GALNT13: variants seen among roughly 807,000 people sequenced by gnomAD.
The protein encoded by GALNT13 is polypeptide N-acetylgalactosaminyltransferase 13.
In GALNT13, 28 loss-of-function variants were observed where a neutral mutation model predicts 64.2. The ratio of observed to expected loss-of-function variants is 0.44; its 90% confidence interval spans 0.32 to 0.60. The LOEUF is 0.60. GALNT13 is among the 20% of genes least tolerant of loss of function. The pLI is 0.05. For missense variants in GALNT13, 577 were observed against 669.8 expected (o/e 0.86, Z 1.53); for synonymous variants, 214 against 224.6 (o/e 0.95, Z 0.42).
chr2:154,250,869 C>T (rs1690032844), intron 7 of GALNT13, among the ~76,000 whole-genome samples: 1 of 151,896 alleles, frequency 6.6e-6, no homozygotes, highest in Non-Finnish European at 1.5e-5. Context: ...GATATGAAAA[C>T]AACAGCACAG....
At chr2:153,894,765 G>A (rs554966534) in intron 1 of GALNT13, among the ~76,000 whole-genome samples, 5 of 152,144 alleles carry the variant, frequency 3.3e-5, no homozygotes, top group Non-Finnish European at 7.4e-5. Flanking sequence ...CAGAGTTAAT[G>A]TAATTTTCTT....
At chr2:153,733,233 A>G in the GALNT13 span, among the ~76,000 whole-genome samples, 1 of 152,176 alleles carries the variant, frequency 6.6e-6, no homozygotes, top group African/African-American at 2.4e-5. Context: ...ACCAAACAAA[A>G]CATTAGCACA....
the GALNT13 span, among the ~76,000 whole-genome samples, chr2:153,679,514 T>C: frequency 6.6e-6 from 1 of 152,086 alleles, no homozygotes; most frequent in East Asian, 1.9e-4. Flanking sequence ...TTATGCATAG[T>C]ACGTGTGTTT....
chr2:154,414,970 A>T (rs1164112144), intron 11 of GALNT13, among the ~76,000 whole-genome samples: 1 of 151,856 alleles, frequency 6.6e-6, no homozygotes, highest in Non-Finnish European at 1.5e-5. Flanking sequence ...GGAATATGTT[A>T]TATCTACTCA....
At chr2:153,360,686 C>G in the GALNT13 span, among the ~76,000 whole-genome samples, 1 of 152,186 alleles carries the variant, frequency 6.6e-6, no homozygotes, top group Middle Eastern at 3.4e-3. Flanking sequence ...TCCAACAACT[C>G]CAGCCAGGGG....
chr2:153,222,051 C>T, the GALNT13 span, among the ~76,000 whole-genome samples: 1 of 152,064 alleles, frequency 6.6e-6, no homozygotes, highest in Non-Finnish European at 1.5e-5. Context: ...TGTTACAGCT[C>T]TTTCAGTCCA....
the GALNT13 span, chr2:153,354,161 T>A: frequency 6.6e-6 from 1 of 152,322 alleles, no homozygotes; most frequent in East Asian, 1.9e-4. Flanking sequence ...TTCCATTTAA[T>A]CAATTTTTTA....
At chr2:153,803,548 C>T in the GALNT13 span, among the ~76,000 whole-genome samples, 2 of 151,998 alleles carry the variant, frequency 1.3e-5, no homozygotes, top group East Asian at 3.9e-4. Flanking sequence ...AAAAGTTAGC[C>T]GGGCGCTGTG....
At chr2:154,094,619 A>G (rs1390478838) in intron 3 of GALNT13, among the ~76,000 whole-genome samples, 2 of 151,850 alleles carry the variant, frequency 1.3e-5, no homozygotes, top group South Asian at 4.1e-4. Context: ...CTCTTTTTCT[A>G]TTTTTGTCTC....
rs1693286724 is a variant in GALNT13 at position 154,299,411 on chromosome 2, T to A, written c.976-1998T>A. ...CGTAATCACAAGAAGGTTCATATAT[T>A]TCATGAAGCTAGGAAGATGAGGAAG... On this transcript the variant is annotated intron_variant, in intron 8 of 12. Coordinates refer to ENST00000392825, the MANE Select transcript of GALNT13 (RefSeq NM_052917.4). 2.0e-5 allele frequency among the ~76,000 whole-genome samples: 3 copies of A among 151,804 alleles called. No individual in the cohort carries two copies. In the South Asian group the frequency reaches 6.2e-4, roughly 31 times the overall value.
At chr2:153,778,671 C>T in the GALNT13 span, among the ~76,000 whole-genome samples, 1 of 152,080 alleles carries the variant, frequency 6.6e-6, no homozygotes, top group East Asian at 1.9e-4. Flanking sequence ...GACTTTTAGC[C>T]CTATTCTCTC....
the GALNT13 span, among the ~76,000 whole-genome samples, chr2:153,658,618 T>C: frequency 2.0e-5 from 3 of 152,282 alleles, no homozygotes; most frequent in African/African-American, 7.2e-5. Flanking sequence ...TTTCTTATGA[T>C]TAAGTACAAG....
chr2:153,084,826 A>T, the GALNT13 span, among the ~76,000 whole-genome samples: 1 of 152,344 alleles, frequency 6.6e-6, no homozygotes, highest in African/African-American at 2.4e-5. Flanking sequence ...ACACACTAGT[A>T]CAGTAAATTG....
the GALNT13 span, among the ~76,000 whole-genome samples, chr2:153,311,093 G>T: frequency 0.089 from 13,534 of 152,082 alleles, 694 homozygotes; most frequent in Middle Eastern, 0.15. Flanking sequence ...TATTTTCAGG[G>T]AATAAAATTT....
intron 9 of GALNT13, among the ~76,000 whole-genome samples, chr2:154,352,289 G>A (rs904671453): frequency 1.3e-5 from 2 of 152,168 alleles, no homozygotes; most frequent in East Asian, 3.8e-4. Context: ...GCCTCCCATA[G>A]CTCTGCACTA....
intron 3 of GALNT13, among the ~76,000 whole-genome samples, chr2:153,979,402 T>TA (rs1694300257): frequency 6.6e-6 from 1 of 152,134 alleles, no homozygotes; most frequent in South Asian, 2.1e-4. Context: ...TAGAGGCACT[T>TA]ACAACTAAAT....
chr2:153,413,574 G>C, the GALNT13 span, among the ~76,000 whole-genome samples: 1 of 152,172 alleles, frequency 6.6e-6, no homozygotes, highest in Non-Finnish European at 1.5e-5. Context: ...TTTTAGGAAT[G>C]ACTGATGTAG....
the GALNT13 span, among the ~76,000 whole-genome samples, chr2:153,612,633 A>AAAC: frequency 1.2e-4 from 12 of 99,570 alleles, no homozygotes; most frequent in African/African-American, 2.1e-4. Flanking sequence ...ATAAGAAAAC[A>AAAC]AAGAAAAAAA....
At chr2:154,192,257 G>A (rs191188072) in intron 4 of GALNT13, among the ~76,000 whole-genome samples, 32 of 152,308 alleles carry the variant, frequency 2.1e-4, no homozygotes, top group African/African-American at 6.5e-4. Flanking sequence ...TTGTGTGCCT[G>A]CCCGCTAGGG....
Sources: gnomAD v4.1 joint callset for allele counts (sites outside exome capture counted in the v4.1 genomes callset) on GRCh38, gnomAD v4.1.1 for gene constraint, MANE v1.5 for transcripts, NCBI Gene and HGNC (gene_info 2026-07-23, HGNC 2026-07-21) for gene names.